Variants in MTA3 observed in about 807,000 individuals in gnomAD.
The protein encoded by MTA3 is metastasis associated 1 family member 3.
MTA3 carries 34 observed loss-of-function variants against 83.5 expected under a neutral mutation model. The ratio of observed to expected loss-of-function variants is 0.41; its 90% CI spans 0.31 to 0.54. The LOEUF (loss-of-function observed/expected upper bound fraction) is 0.54, where lower values mean the gene tolerates loss of function less well. Ranked by LOEUF, MTA3 falls within the 20% of genes least tolerant of loss-of-function variation. The pLI is 0.33. For missense variants in MTA3, 761 were observed against 726.4 expected (o/e 1.05, Z -0.55); for synonymous variants, 303 against 252.7 (o/e 1.20, Z -1.89).
chr2:42,525,194 C>T (rs373077329), intron 2 of MTA3, among the ~76,000 whole-genome samples: 1 of 121,950 alleles, frequency 8.2e-6, no homozygotes, highest in Admixed American at 8.0e-5. Context: ...TTTTCTTCTT[C>T]TTCTTTTTTT....
At chr2:42,640,723 G>C (rs1465952660) in intron 5 of MTA3, among the ~76,000 whole-genome samples, 3 of 152,152 alleles carry the variant, frequency 2.0e-5, no homozygotes, top group South Asian at 2.1e-4. Flanking sequence ...AGTTGAGATA[G>C]AGCATACGCT....
At chr2:42,548,408 G>A (rs1676859473) in intron 2 of MTA3, among the ~76,000 whole-genome samples, 1 of 152,226 alleles carries the variant, frequency 6.6e-6, no homozygotes, top group African/African-American at 2.4e-5. Flanking sequence ...AGAGGTTGCA[G>A]TGAGCCGAAA....
In MTA3 at chr2:42,621,611, C is replaced by T. The variant is rs375907023; in HGVS notation, c.317+12027C>T. Among the ~76,000 whole-genome samples the T allele has an allele frequency of 9.5e-4, 145 of 152,310 alleles. 1 individual carries two copies. Among genetic ancestry groups the T allele is most frequent in the African/African-American group, 3.2e-3 (135 of 41,566 alleles). On this transcript the variant is annotated intron_variant, in intron 4 of 16. Transcript: ENST00000405094. ...CTTTTCTATTCGACAAAACCGCCAT[C>T]GTCATCATGGCCCGTTCTCAATGAG...
intron 8 of MTA3, among the ~76,000 whole-genome samples, chr2:42,677,711 G>C (rs1474184030): frequency 6.6e-6 from 1 of 152,092 alleles, no homozygotes; most frequent in Non-Finnish European, 1.5e-5. Context: ...ATCTATGTAA[G>C]ACGTGACTTG....
intron 4 of MTA3, among the ~76,000 whole-genome samples, chr2:42,619,858 G>T (rs1685339999): frequency 6.6e-6 from 1 of 152,208 alleles, no homozygotes; most frequent in Admixed American, 6.5e-5. Flanking sequence ...CAAATCCGTG[G>T]TACCAGGCCG....
chr2:42,559,913 C>G (rs555397862), intron 2 of MTA3, among the ~76,000 whole-genome samples: 13 of 150,876 alleles, frequency 8.6e-5, no homozygotes, highest in Non-Finnish European at 1.6e-4. Flanking sequence ...AAAAAAAAAA[C>G]TCCATTGGCC....
rs532773955 is a variant in MTA3 at position 42,580,357 on chromosome 2, T to TTTTA, written c.190+1185_190+1188dup. ...AGGTTTTATTATTTTATTTAATTAA[T>TTTTA]TTTATTTATTTATTTATTTATTTAT... On this transcript the variant is annotated intron_variant, in intron 3 of 16. Transcript: ENST00000405094. Among the ~76,000 whole-genome samples, 497 of 151,530 alleles carry TTTTA rather than the reference T, an allele frequency of 3.3e-3. 2 individuals carry two copies. Among genetic ancestry groups the TTTTA allele is most frequent in the Middle Eastern group, 0.017 (5 of 292 alleles).
intron 3 of MTA3, among the ~76,000 whole-genome samples, chr2:42,606,370 C>T (rs1167997005): frequency 2.0e-5 from 3 of 149,750 alleles, no homozygotes; most frequent in East Asian, 2.0e-4. Context: ...GGAGGGGCTC[C>T]TCACTTCTCA....
At chr2:42,675,628 T>C (rs923627668) in intron 8 of MTA3, among the ~76,000 whole-genome samples, 4 of 152,224 alleles carry the variant, frequency 2.6e-5, no homozygotes, top group African/African-American at 9.7e-5. Flanking sequence ...ATCACTATTC[T>C]GCCTTCTCTA....
chr2:42,686,973 A>G (rs1363695290), intron 9 of MTA3, among the ~76,000 whole-genome samples: 2 of 151,798 alleles, frequency 1.3e-5, no homozygotes, highest in Non-Finnish European at 2.9e-5. Context: ...AAAAAAATAC[A>G]AAAATTAGCT....
Position 42,570,515 on chromosome 2 carries a change from A to T in MTA3, c.96+11A>T. 1 of 1,386,372 alleles carries T rather than the reference A, an allele frequency of 7.2e-7. No homozygotes were observed. The highest frequency in any genetic ancestry group is 9.7e-7 in the Non-Finnish European group (1 of 1,033,428). 85.9% of individuals were successfully genotyped at this position (1,386,372 alleles called of 1,614,324 possible). Reference sequence around the variant, plus strand: ...GAAGAACTCAACAAGGTATACACTGAGTGTTCTTAATTTTAATATTAAAAA... The same window carrying T: ...GAAGAACTCAACAAGGTATACACTGTGTGTTCTTAATTTTAATATTAAAAA... On this transcript the variant is annotated intron_variant, in intron 2 of 16. Coordinates refer to ENST00000405094, the MANE Select transcript of MTA3 (RefSeq NM_001330442.2).
At chr2:42,680,168 G>T (rs1294803591) in intron 8 of MTA3, 1 of 152,938 alleles carries the variant, frequency 6.5e-6, no homozygotes, top group African/African-American at 2.4e-5. Flanking sequence ...ACTCCTAAGT[G>T]ATGCTTTAAA....
chr2:42,610,786 G>T (rs1472724347), intron 4 of MTA3, among the ~76,000 whole-genome samples: 2 of 152,080 alleles, frequency 1.3e-5, no homozygotes, highest in Non-Finnish European at 2.9e-5. Context: ...TGAGCATAGG[G>T]TGTATGAAAG....
intron 11 of MTA3, among the ~76,000 whole-genome samples, chr2:42,702,081 G>A (rs534643972): frequency 8.5e-5 from 13 of 152,132 alleles, no homozygotes; most frequent in South Asian, 2.1e-4. Flanking sequence ...CGTGGTGGCA[G>A]GCACCTGTAA....
At chr2:42,702,420 G>A (rs1022485692) in intron 11 of MTA3, 1 of 152,090 alleles carries the variant, frequency 6.6e-6, no homozygotes, top group African/African-American at 2.4e-5. Flanking sequence ...TCTTAAGTAG[G>A]GTCTTTGCTG....
chr2:42,607,248 G>C (rs1683584550), intron 3 of MTA3, among the ~76,000 whole-genome samples: 1 of 152,196 alleles, frequency 6.6e-6, no homozygotes, highest in Admixed American at 6.5e-5. Flanking sequence ...GTTAACTGTA[G>C]AGTAGAGCAA....
At chr2:42,654,255 T>A (rs1021407474) in intron 6 of MTA3, among the ~76,000 whole-genome samples, 1 of 152,218 alleles carries the variant, frequency 6.6e-6, no homozygotes, top group Non-Finnish European at 1.5e-5. Context: ...AGGCTGCAGA[T>A]GGAATGCCTG....
intron 2 of MTA3, among the ~76,000 whole-genome samples, chr2:42,514,219 AAAC>A (rs1259076896): frequency 5.3e-5 from 8 of 152,192 alleles, no homozygotes; most frequent in Admixed American, 1.3e-4. Context: ...TCTCAAAAAA[AAAC>A]AACGAGAAAA....
At chr2:42,547,911 T>C (rs978574904) in intron 2 of MTA3, among the ~76,000 whole-genome samples, 2 of 151,338 alleles carry the variant, frequency 1.3e-5, no homozygotes, top group African/African-American at 4.9e-5. Context: ...GTTTTCAATC[T>C]TGTCTATCTA....
Sources: gnomAD v4.1 joint callset for allele counts (sites outside exome capture counted in the v4.1 genomes callset) on GRCh38, gnomAD v4.1.1 for gene constraint, MANE v1.5 for transcripts, NCBI Gene and HGNC (gene_info 2026-07-23, HGNC 2026-07-21) for gene names.